ULK4: variants seen among roughly 807,000 people sequenced by gnomAD.
The protein encoded by ULK4 is inactive serine/threonine-protein kinase ULK4.
In ULK4, 133 loss-of-function variants were observed where a neutral mutation model predicts 160.6. The observed-to-expected ratio is 0.83, with a 90% CI of 0.72 to 0.96. ULK4 has a LOEUF of 0.96. Ranked by LOEUF, ULK4 falls within the 40% of genes least tolerant of loss-of-function variation. The pLI is 0.00. For synonymous variants in ULK4, 534 were observed against 539.8 expected (o/e 0.99, Z 0.15); for missense variants, 1,580 against 1,499.5 (o/e 1.05, Z -0.89).
chr3:41,784,320 G>A lies in ULK4; in HGVS notation c.2193+5341C>T, dbSNP rs180956720. 2.4e-3 allele frequency among the ~76,000 whole-genome samples: 369 copies of A among 152,132 alleles called. 1 individual carries two copies. Among genetic ancestry groups the A allele is most frequent in the African/African-American group, 7.9e-3 (329 of 41,480 alleles). The stretch of plus-strand genomic sequence containing the variant: ...GTGGTGACACATGCCTGTAATCCCA[G>A]CTACTCGGGAGCCTGAGGCAGGAGA... On this transcript the variant is annotated intron_variant, in intron 21 of 36. Coordinates refer to ENST00000301831, the MANE Select transcript of ULK4 (RefSeq NM_017886.4).
intron 35 of ULK4, among the ~76,000 whole-genome samples, chr3:41,281,584 T>C (rs566065946): frequency 3.9e-5 from 6 of 152,282 alleles, no homozygotes; most frequent in Admixed American, 2.0e-4. Context: ...GAAAAGCCCT[T>C]CAACAAAATT....
intron 2 of ULK4, among the ~76,000 whole-genome samples, chr3:41,939,724 T>G (rs1357719243): frequency 6.6e-6 from 1 of 151,928 alleles, no homozygotes; most frequent in Non-Finnish European, 1.5e-5. Flanking sequence ...CCAGTCCAGG[T>G]CCATGGCCTG....
At chr3:41,367,946 C>T (rs528394552) in intron 35 of ULK4, among the ~76,000 whole-genome samples, 5 of 152,154 alleles carry the variant, frequency 3.3e-5, no homozygotes, top group Admixed American at 2.6e-4. Flanking sequence ...ATTCCAACTA[C>T]GTTAATCTAT....
At chr3:41,700,343 CAG>C (rs903348771) in intron 27 of ULK4, among the ~76,000 whole-genome samples, 1 of 152,122 alleles carries the variant, frequency 6.6e-6, no homozygotes, top group Admixed American at 6.5e-5. Context: ...TCCTAGCATA[CAG>C]AGTTTTATGA....
intron 35 of ULK4, among the ~76,000 whole-genome samples, chr3:41,283,413 A>G (rs1008624019): frequency 6.6e-6 from 1 of 152,226 alleles, no homozygotes; most frequent in African/African-American, 2.4e-5. Context: ...TCCACCAATG[A>G]TAGACTGGAT....
intron 35 of ULK4, among the ~76,000 whole-genome samples, chr3:41,287,748 A>G (rs2079489683): frequency 6.6e-6 from 1 of 152,158 alleles, no homozygotes; most frequent in African/African-American, 2.4e-5. Context: ...AAAACTTCAC[A>G]CCCTCCTAGC....
chr3:41,762,655 C>CATT (rs538388454), intron 21 of ULK4, among the ~76,000 whole-genome samples: 1 of 88,976 alleles, frequency 1.1e-5, no homozygotes, highest in African/African-American at 4.5e-5. Flanking sequence ...AAGTGTTACA[C>CATT]TTTTTTTTTT....
At chr3:41,364,383 C>T (rs569022434) in intron 35 of ULK4, among the ~76,000 whole-genome samples, 10 of 152,352 alleles carry the variant, frequency 6.6e-5, no homozygotes, top group African/African-American at 2.4e-4. Context: ...TGCCCTCCAC[C>T]AGGCCCTGTG....
chr3:41,844,608 T>G (rs1019268872), intron 17 of ULK4, among the ~76,000 whole-genome samples: 12 of 151,688 alleles, frequency 7.9e-5, no homozygotes, highest in Non-Finnish European at 1.3e-4. Context: ...CAGAAAGGAG[T>G]TCCCACAGTG....
intron 31 of ULK4, among the ~76,000 whole-genome samples, chr3:41,585,324 T>C (rs2030709406): frequency 2.0e-5 from 3 of 152,040 alleles, no homozygotes; most frequent in Non-Finnish European, 4.4e-5. Context: ...AACACAGACA[T>C]ATAAACCAAT....
At chr3:41,452,047 C>T (rs1041726334) in intron 34 of ULK4, among the ~76,000 whole-genome samples, 1 of 152,142 alleles carries the variant, frequency 6.6e-6, no homozygotes, top group Non-Finnish European at 1.5e-5. Flanking sequence ...CACCTTCCTC[C>T]CTGATTACTG....
intron 21 of ULK4, among the ~76,000 whole-genome samples, chr3:41,771,821 G>C (rs1244893991): frequency 6.6e-6 from 1 of 152,150 alleles, no homozygotes; most frequent in Non-Finnish European, 1.5e-5. Context: ...TTAAATTATG[G>C]AATGTTTCAA....
At chr3:41,251,367 A>G (rs2125668147) in intron 35 of ULK4, among the ~76,000 whole-genome samples, 1 of 152,388 alleles carries the variant, frequency 6.6e-6, no homozygotes, top group African/African-American at 2.4e-5. Flanking sequence ...GTTCTGCGTA[A>G]GACAGAGAAA....
chr3:41,643,371 A>G (rs140498143), intron 30 of ULK4, among the ~76,000 whole-genome samples: 9,349 of 152,256 alleles, frequency 0.061, 973 homozygotes, highest in African/African-American at 0.21. Context: ...TTTTTGTATA[A>G]GGTGTAAGGA....
intron 19 of ULK4, among the ~76,000 whole-genome samples, chr3:41,803,891 G>C (rs1365750508): frequency 6.6e-6 from 1 of 152,288 alleles, no homozygotes; most frequent in Non-Finnish European, 1.5e-5. Context: ...ATCATTGTTG[G>C]ACATTTGGAT....
At chr3:41,564,319 A>T (rs1299162212) in intron 32 of ULK4, among the ~76,000 whole-genome samples, 1 of 152,074 alleles carries the variant, frequency 6.6e-6, no homozygotes, top group African/African-American at 2.4e-5. Flanking sequence ...GGTGTCTGCC[A>T]GTTAGGCTAC....
chr3:41,862,503 T>C (rs563051618), intron 17 of ULK4, among the ~76,000 whole-genome samples: 14 of 152,336 alleles, frequency 9.2e-5, no homozygotes, highest in Admixed American at 5.9e-4. Context: ...GTATTTATTA[T>C]AGTCTTCACT....
intron 22 of ULK4, among the ~76,000 whole-genome samples, chr3:41,750,050 G>T (rs1164345239): frequency 7.2e-5 from 11 of 152,206 alleles, no homozygotes; most frequent in Admixed American, 5.2e-4. Context: ...CAGCGAGCTT[G>T]GAAGAGGACT....
intron 32 of ULK4, among the ~76,000 whole-genome samples, chr3:41,476,518 G>A (rs899357421): frequency 6.6e-6 from 1 of 152,188 alleles, no homozygotes; most frequent in African/African-American, 2.4e-5. Context: ...AGATGGGTGT[G>A]TGGCTCTTTC....
Sources: allele counts gnomAD v4.1 joint callset (sites outside exome capture counted in the v4.1 genomes callset), GRCh38; gene constraint gnomAD v4.1.1; transcripts MANE v1.5; gene names NCBI Gene and HGNC (gene_info 2026-07-23, HGNC 2026-07-21).